The following SHLD1 variants were observed in gnomAD, a reference collection of about 807,000 sequenced individuals.
The protein encoded by SHLD1 is shieldin complex subunit 1, also known as RINN1-REV7-interacting novel NHEJ regulator 3.
Under a neutral mutation model 5.5 loss-of-function variants are expected in SHLD1, and 3 were observed. That is an observed-to-expected ratio of 0.54 (90% CI 0.25 to 1.40). SHLD1 has a LOEUF of 1.40. SHLD1 is among the 40% of genes most tolerant of loss of function. SHLD1 has a pLI of 0.15. For synonymous variants in SHLD1, 92 were observed against 94.3 expected (o/e 0.98, Z 0.14); for missense variants, 210 against 244.4 (o/e 0.86, Z 0.94).
At chr20:5,844,791 A>ATTTT (rs1361285741) in intron 2 of SHLD1, among the ~76,000 whole-genome samples, 1 of 98,642 alleles carries the variant, frequency 1.0e-5, no homozygotes, top group African/African-American at 6.4e-5. Context: ...ATATATATAT[A>ATTTT]TATATATATT....
intron 1 of SHLD1, chr20:5,772,016 A>G (rs747519290): frequency 2.4e-6 from 1 of 422,608 alleles, no homozygotes. Flanking sequence ...CTGGGATTAC[A>G]GGCACCCACC....
At chr20:5,852,415 C>CCCTCCCTTCCTT (rs1204718904) in intron 2 of SHLD1, among the ~76,000 whole-genome samples, 123 of 150,104 alleles carry the variant, frequency 8.2e-4, no homozygotes, top group African/African-American at 2.9e-3. Context: ...TCCTTTCCCT[C>CCCTCCCTTCCTT]CCTTCCTTCC....
At chr20:5,766,962 C>T (rs75712770) in intron 1 of SHLD1, among the ~76,000 whole-genome samples, 1,866 of 152,110 alleles carry the variant, frequency 0.012, 38 homozygotes, top group African/African-American at 0.042. Context: ...TTCTGACTGT[C>T]GTTTTAACAG....
Position 5,825,720 on chromosome 20 carries a change from G to A in SHLD1, c.179-37304G>A, listed in dbSNP as rs138195019. Among the ~76,000 whole-genome samples the A allele has an allele frequency of 3.8e-3, 574 of 152,336 alleles. 4 individuals carry two copies. Among genetic ancestry groups the A allele is most frequent in the African/African-American group, 0.013 (540 of 41,580 alleles). ...TGTGCCATTGCGCTCCTGCCTGGGT[G>A]ACAGAGCAGAACCCTGTCTCTAAAA... On this transcript the variant is annotated intron_variant, in intron 2 of 2. Coordinates refer to ENST00000303142, the MANE Select transcript of SHLD1 (RefSeq NM_152504.4).
At chr20:5,790,701 A>G (rs1291847911) in intron 2 of SHLD1, among the ~76,000 whole-genome samples, 17 of 151,890 alleles carry the variant, frequency 1.1e-4, no homozygotes, top group African/African-American at 4.1e-4. Flanking sequence ...TGATCCACCC[A>G]CCTTGGCCTC....
intron 2 of SHLD1, among the ~76,000 whole-genome samples, chr20:5,804,377 A>G (rs1287809279): frequency 6.6e-6 from 1 of 150,478 alleles, no homozygotes; most frequent in Non-Finnish European, 1.5e-5. Context: ...AGTTACTGTA[A>G]GACATTAGTA....
At chr20:5,757,503 G>C (rs1984186221) in intron 1 of SHLD1, among the ~76,000 whole-genome samples, 1 of 152,024 alleles carries the variant, frequency 6.6e-6, no homozygotes, top group South Asian at 2.1e-4. Flanking sequence ...ATCATGAAAG[G>C]GTGTTTGACT....
In SHLD1 at chr20:5,764,174, A is replaced by ATATT. The variant is rs1555768334; in HGVS notation, c.-4-8687_-4-8686insATTT. Among the ~76,000 whole-genome samples the ATATT allele has an allele frequency of 1.9e-4, 19 of 99,478 alleles. No homozygotes were observed. The East Asian group carries it at 5.2e-3, about 27-fold the overall frequency. 65.3% of individuals were successfully genotyped at this position (99,478 alleles called of 152,430 possible). ...TATTTATATTTATATATATATATAT[A>ATATT]TTTTTATATATATATATTTTATATA... is the stretch of plus-strand genomic sequence containing the variant. On this transcript the variant is annotated intron_variant, in intron 1 of 2. Transcript: ENST00000303142.
chr20:5,809,947 A>G (rs2087435421), intron 2 of SHLD1, among the ~76,000 whole-genome samples: 1 of 151,960 alleles, frequency 6.6e-6, no homozygotes, highest in South Asian at 2.1e-4. Flanking sequence ...TTTATCACAT[A>G]CTACACCTTT....
intron 1 of SHLD1, among the ~76,000 whole-genome samples, chr20:5,769,407 A>G (rs1985023708): frequency 6.6e-6 from 1 of 152,230 alleles, no homozygotes; most frequent in East Asian, 1.9e-4. Context: ...AAGACCATCA[A>G]TAGCAGGGGA....
intron 2 of SHLD1, among the ~76,000 whole-genome samples, chr20:5,822,345 G>A (rs2087615604): frequency 6.6e-6 from 1 of 152,168 alleles, no homozygotes; most frequent in Non-Finnish European, 1.5e-5. Flanking sequence ...TGTAGTGCCA[G>A]CTACTTGGGA....
intron 2 of SHLD1, among the ~76,000 whole-genome samples, chr20:5,817,446 G>GTA: frequency 7.3e-6 from 1 of 137,814 alleles, no homozygotes; most frequent in East Asian, 2.0e-4. Flanking sequence ...GTGTGTGTGT[G>GTA]TGTGTGTGTG....
chr20:5,834,521 A>G (rs1359682042), intron 2 of SHLD1, among the ~76,000 whole-genome samples: 2 of 152,158 alleles, frequency 1.3e-5, no homozygotes, highest in African/African-American at 4.8e-5. Flanking sequence ...AAAACAATCT[A>G]CAGAAGTACA....
At chr20:5,825,009 C>G (rs2087650322) in intron 2 of SHLD1, among the ~76,000 whole-genome samples, 1 of 152,166 alleles carries the variant, frequency 6.6e-6, no homozygotes, top group Admixed American at 6.5e-5. Flanking sequence ...AGATGTACTC[C>G]TTTATTAGCA....
intron 2 of SHLD1, among the ~76,000 whole-genome samples, chr20:5,819,819 C>T (rs979600779): frequency 8.5e-5 from 13 of 152,174 alleles, no homozygotes; most frequent in Non-Finnish European, 1.5e-4. Flanking sequence ...GAGACCCAGT[C>T]TCTTAAAAAC....
rs189196145 is a variant in SHLD1 at position 5,820,802 on chromosome 20, T to C, written c.179-42222T>C. Among the ~76,000 whole-genome samples the C allele has an allele frequency of 1.8e-4, 28 of 152,364 alleles. No individual in the cohort carries two copies. The East Asian group carries it at 5.4e-3, about 29-fold the overall frequency. On this transcript the variant is annotated intron_variant, in intron 2 of 2. Transcript: ENST00000303142. ...GTCTCTAGGTTTGATGTACAAGCTT[T>C]AGCTTGGGCCTTTGATTTACAGTGT...
At chr20:5,856,285 C>T (rs531118640) in intron 2 of SHLD1, among the ~76,000 whole-genome samples, 22 of 152,296 alleles carry the variant, frequency 1.4e-4, no homozygotes, top group Non-Finnish European at 2.1e-4. Context: ...AAGTTTGTTT[C>T]AAGGCTCAGG....
At position 5,864,069 on chromosome 20, in the gene SHLD1, C is replaced by T. The variant is rs748902657; in HGVS notation, c.*606C>T. Among the ~76,000 whole-genome samples, 1 of 152,112 alleles carries T rather than the reference C, an allele frequency of 6.6e-6. No individual in the cohort carries two copies. Among genetic ancestry groups the T allele is most frequent in the Non-Finnish European group, 1.5e-5 (1 of 68,020 alleles). ...GACCATGTCATTGAGAATACATGTCCTAAAATAATATAAAGATTGAAATAC... is the reference window on the plus strand; with the variant it reads ...GACCATGTCATTGAGAATACATGTCTTAAAATAATATAAAGATTGAAATAC... On this transcript the variant is annotated 3_prime_UTR_variant, in exon 3 of 3. Coordinates refer to ENST00000303142, the MANE Select transcript of SHLD1 (RefSeq NM_152504.4).
intron 2 of SHLD1, among the ~76,000 whole-genome samples, chr20:5,780,639 G>A (rs1985642667): frequency 6.6e-6 from 1 of 152,206 alleles, no homozygotes; most frequent in African/African-American, 2.4e-5. Context: ...CTTAACTTGT[G>A]TAAAGGATTC....
Sources: allele counts gnomAD v4.1 joint callset (sites outside exome capture counted in the v4.1 genomes callset), GRCh38; gene constraint gnomAD v4.1.1; transcripts MANE v1.5; gene names NCBI Gene and HGNC (gene_info 2026-07-23, HGNC 2026-07-21).